PPHLN1: variants seen among roughly 807,000 people sequenced by gnomAD.
The protein encoded by PPHLN1 is periphilin 1.
PPHLN1 carries 29 observed loss-of-function variants against 51.3 expected under a neutral mutation model. The ratio of observed to expected loss-of-function variants is 0.57; its 90% CI spans 0.42 to 0.77. PPHLN1 has a LOEUF of 0.77. Ranked by LOEUF, PPHLN1 falls within the 30% of genes least tolerant of loss-of-function variation. PPHLN1 has a pLI of 0.00. For missense variants in PPHLN1, 436 were observed against 438.4 expected, an observed-to-expected ratio of 0.99 and a Z score of 0.05; for synonymous variants, 147 against 147.8, an observed-to-expected ratio of 0.99 and a Z score of 0.04.
intron 9 of PPHLN1, among the ~76,000 whole-genome samples, chr12:42,417,019 AT>A (rs1368807869): frequency 6.6e-6 from 1 of 152,174 alleles, no homozygotes; most frequent in Non-Finnish European, 1.5e-5. Flanking sequence ...TTGTTGGAGG[AT>A]TAGATTGGCT....
intron 6 of PPHLN1, among the ~76,000 whole-genome samples, chr12:42,386,570 C>T (rs2077209936): frequency 6.6e-6 from 1 of 152,142 alleles, no homozygotes; most frequent in African/African-American, 2.4e-5. Flanking sequence ...CCAGTCTCGA[C>T]CAGCTTCTGT....
At chr12:42,350,096 G>T (rs1379696877) in intron 2 of PPHLN1, 1 of 151,474 alleles carries the variant, frequency 6.6e-6, no homozygotes, top group South Asian at 2.1e-4. Flanking sequence ...CAGACGGGGC[G>T]GCTGCCGGGC....
Position 42,329,630 on chromosome 12 carries a change from T to G in PPHLN1, c.-21+3401T>G, listed in dbSNP as rs190352011. Among the ~76,000 whole-genome samples, 3 of 152,198 alleles carry G rather than the reference T, an allele frequency of 2.0e-5. No individual in the cohort carries two copies. The East Asian group carries it at 5.8e-4, about 29-fold the overall frequency. ...ATACTACTAGTAGAAATATTACTAG[T>G]GAGGGACTAATGTGTATTAAAAGTA... is the stretch of plus-strand genomic sequence containing the variant. On this transcript the variant is annotated intron_variant, in intron 1 of 9. Coordinates refer to ENST00000358314, the MANE Select transcript of PPHLN1 (RefSeq NM_201439.2).
At chr12:42,437,747 G>T (rs1207094981) in intron 9 of PPHLN1, among the ~76,000 whole-genome samples, 3 of 152,086 alleles carry the variant, frequency 2.0e-5, no homozygotes, top group African/African-American at 4.8e-5. Context: ...TGTGAATTTT[G>T]ACAAATGTAT....
chr12:42,413,524 A>ATGTGTGTG lies in PPHLN1; in HGVS notation c.909+14531_909+14532insGTGTGTGT, dbSNP rs1397983458. ...GCTGTTTTGATAACTATATATATGT[A>ATGTGTGTG]TATGTGTGTGTGTGTGTGTGTGTGT... On this transcript the variant is annotated intron_variant, in intron 9 of 9. Coordinates refer to ENST00000358314, the MANE Select transcript of PPHLN1 (RefSeq NM_201439.2). 3.7e-3 allele frequency among the ~76,000 whole-genome samples: 444 copies of ATGTGTGTG among 119,040 alleles called. 2 individuals carry two copies. Among genetic ancestry groups the ATGTGTGTG allele is most frequent in the Non-Finnish European group, 6.1e-3 (339 of 55,840 alleles). The allele number at this position is 119,040 out of a possible 152,430, so 78.1% of individuals were successfully genotyped here.
intron 5 of PPHLN1, among the ~76,000 whole-genome samples, chr12:42,376,417 C>T (rs899193357): frequency 3.3e-5 from 5 of 152,116 alleles, no homozygotes; most frequent in Non-Finnish European, 7.3e-5. Context: ...TAGAGTGGGG[C>T]TTCCCAAAAA....
At chr12:42,326,462 A>C (rs1247364583) in intron 1 of PPHLN1, among the ~76,000 whole-genome samples, 1 of 152,232 alleles carries the variant, frequency 6.6e-6, no homozygotes, top group East Asian at 1.9e-4. Context: ...ATATGCAAGA[A>C]GACGACTGAG....
downstream of PPHLN1, chr12:42,442,537 G>A: frequency 2.0e-6 from 3 of 1,497,882 alleles, no homozygotes; most frequent in Non-Finnish European, 2.7e-6. Context: ...CAGCTTATCA[G>A]GACTGCACTC....
chr12:42,354,007 A>C (rs1371647342), intron 3 of PPHLN1, among the ~76,000 whole-genome samples: 1 of 152,178 alleles, frequency 6.6e-6, no homozygotes, highest in Non-Finnish European at 1.5e-5. Flanking sequence ...TATAGAGTTC[A>C]GTTATGTAAT....
intron 9 of PPHLN1, among the ~76,000 whole-genome samples, chr12:42,413,591 T>G (rs527368892): frequency 6.6e-6 from 1 of 150,972 alleles, no homozygotes; most frequent in South Asian, 2.1e-4. Context: ...AGATGGAGTG[T>G]CACTCTCTTG....
intron 9 of PPHLN1, among the ~76,000 whole-genome samples, chr12:42,411,812 C>T (rs1168137071): frequency 1.3e-4 from 18 of 140,566 alleles, no homozygotes; most frequent in Non-Finnish European, 2.3e-4. Flanking sequence ...GGCTGAGGCA[C>T]GAGAATCGCT....
In PPHLN1 at chr12:42,393,659, A is replaced by T; in HGVS notation, c.738A>T (p.Glu246Asp). 1 of 1,609,618 alleles carries T rather than the reference A, an allele frequency of 6.2e-7. No individual in the cohort carries two copies. Residue 246 changes from glutamate to aspartate, a missense_variant, in exon 8 of 10, where the codon GAA (glutamate) becomes GAT (aspartate). Transcript: ENST00000358314. ...CTGAAAAGCTAGAGAAATCAGATGA[A>T]AGTAACTTGCCTGAAATTTCTGAGT... ...WAAEKLEKSD[E>D]SNLPEISEYE...
intron 7 of PPHLN1, among the ~76,000 whole-genome samples, chr12:42,390,151 C>G (rs534096896): frequency 1.3e-5 from 2 of 152,192 alleles, no homozygotes; most frequent in African/African-American, 4.8e-5. Flanking sequence ...TATCACCTAG[C>G]GGTATATACT....
chr12:42,366,649 A>G (rs893045949), intron 4 of PPHLN1, among the ~76,000 whole-genome samples: 1 of 151,958 alleles, frequency 6.6e-6, no homozygotes, highest in Admixed American at 6.6e-5. Flanking sequence ...TCAGCCTCCC[A>G]AAGTGCTGGA....
intron 9 of PPHLN1, among the ~76,000 whole-genome samples, chr12:42,433,534 A>G (rs1222679619): frequency 2.0e-5 from 3 of 152,198 alleles, no homozygotes; most frequent in Non-Finnish European, 2.9e-5. Flanking sequence ...TGTGTTAGCC[A>G]GGATGGTCTC....
At chr12:42,347,835 G>T (rs2072592815) in intron 2 of PPHLN1, among the ~76,000 whole-genome samples, 1 of 152,042 alleles carries the variant, frequency 6.6e-6, no homozygotes, top group Non-Finnish European at 1.5e-5. Flanking sequence ...GATTTTATTG[G>T]GAACAGAAAT....
chr12:42,367,041 A>C (rs893140236), intron 4 of PPHLN1, among the ~76,000 whole-genome samples: 1 of 152,204 alleles, frequency 6.6e-6, no homozygotes, highest in Non-Finnish European at 1.5e-5. Context: ...AAAATGTTGC[A>C]GAATGCTTTT....
chr12:42,334,341 T>C (rs2070271672), intron 1 of PPHLN1, among the ~76,000 whole-genome samples: 1 of 152,218 alleles, frequency 6.6e-6, no homozygotes, highest in Middle Eastern at 3.2e-3. Context: ...TAAAGTAAGA[T>C]TTCCTAGGCA....
chr12:42,337,042 A>G (rs2070757336), intron 2 of PPHLN1, among the ~76,000 whole-genome samples: 1 of 152,178 alleles, frequency 6.6e-6, no homozygotes, highest in African/African-American at 2.4e-5. Flanking sequence ...GGATGGCCAG[A>G]CTTAATTATT....
Sources: allele counts gnomAD v4.1 joint callset (sites outside exome capture counted in the v4.1 genomes callset), GRCh38; gene constraint gnomAD v4.1.1; transcripts MANE v1.5; gene names NCBI Gene and HGNC (gene_info 2026-07-23, HGNC 2026-07-21).